The following KCTD13 variants were observed in gnomAD, a reference collection of about 807,000 sequenced individuals.
The protein encoded by KCTD13 is BTB/POZ domain-containing adapter for CUL3-mediated RhoA degradation protein 1.
A neutral mutation model predicts 32.3 loss-of-function variants in KCTD13; 15 were observed. That is an observed-to-expected ratio of 0.46 (90% CI 0.31 to 0.71). The LOEUF is 0.71. Ranked by LOEUF, KCTD13 falls within the 30% of genes least tolerant of loss-of-function variation. The pLI, the probability that KCTD13 is intolerant of heterozygous loss-of-function variation, is 0.05. For missense variants in KCTD13, 337 were observed against 452.6 expected, an observed-to-expected ratio of 0.74 and a Z score of 2.32; for synonymous variants, 189 against 200.1, an observed-to-expected ratio of 0.94 and a Z score of 0.47.
At chr16:29,914,199 G>C (rs1341966492) in intron 2 of KCTD13, 1 of 152,122 alleles carries the variant, frequency 6.6e-6, no homozygotes, top group African/African-American at 2.4e-5. Flanking sequence ...ACACAGGAAC[G>C]AGCACCAGGG....
At chr16:29,917,663 C>T (rs1163295958) in intron 2 of KCTD13, among the ~76,000 whole-genome samples, 1 of 152,076 alleles carries the variant, frequency 6.6e-6, no homozygotes, top group Non-Finnish European at 1.5e-5. Context: ...CCTGTAATCC[C>T]AGCTACTCAG....
intron 1 of KCTD13, among the ~76,000 whole-genome samples, chr16:29,925,161 G>T (rs1222578701): frequency 6.6e-6 from 1 of 152,140 alleles, no homozygotes; most frequent in Non-Finnish European, 1.5e-5. Flanking sequence ...GGCACGAAGG[G>T]TCCATACTTG....
At chr16:29,916,422 CA>C (rs1319081132) in intron 2 of KCTD13, among the ~76,000 whole-genome samples, 1 of 152,176 alleles carries the variant, frequency 6.6e-6, no homozygotes, top group Non-Finnish European at 1.5e-5. Context: ...CTTTTACTAA[CA>C]ATCTCCTCAA....
rs1275779123 is a variant in KCTD13, at chr16:29,923,218, A to C, written c.386T>G (p.Leu129Arg). The stretch of plus-strand genomic sequence containing the variant: ...CAGCGCCAGCTGGCAGTCCTCAATC[A>C]GGCCCTGCACCAGGTAGTAGCGTGC... ...GEARYYLVQG[L>R]IEDCQLALQQ... is the part of the protein sequence containing the mutation. The change falls in exon 2 of 6, where the codon CTG becomes CGG. Residue 129 changes from leucine to arginine, a missense_variant. Coordinates refer to ENST00000568000, the MANE Select transcript of KCTD13 (RefSeq NM_178863.5). 1 of 1,614,218 alleles carries C rather than the reference A, an allele frequency of 6.2e-7. No individual in the cohort carries two copies. The highest frequency in any genetic ancestry group is 1.7e-5 in the Admixed American group (1 of 60,030).
chr16:29,907,258 G>T, intron 5 of KCTD13, 150 bp from the exon 6 acceptor site: 1 of 593,890 alleles, frequency 1.7e-6, no homozygotes, highest in Non-Finnish European at 3.0e-6. Flanking sequence ...CCTTTACTCA[G>T]CAAAGTCATA....
At chr16:29,923,432 AT>A (rs375921576) in intron 1 of KCTD13, 73 bp from the exon 2 acceptor site, 1,436 of 1,264,612 alleles carry the variant, frequency 1.1e-3, no homozygotes, top group Non-Finnish European at 1.3e-3. Flanking sequence ...TTAAAAAAAA[AT>A]TTTTGTAGAG....
intron 2 of KCTD13, chr16:29,915,468 A>T (rs2068792880): frequency 6.6e-6 from 1 of 152,172 alleles, no homozygotes. Context: ...CCTGACCAAC[A>T]TGGTGAAACC....
At chr16:29,925,116 C>G (rs2150847577) in intron 1 of KCTD13, among the ~76,000 whole-genome samples, 1 of 152,266 alleles carries the variant, frequency 6.6e-6, no homozygotes, top group African/African-American at 2.4e-5. Context: ...AAGACTCTCC[C>G]ACTCCCAAAC....
intron 2 of KCTD13, chr16:29,921,691 A>G (rs2068915366): frequency 6.6e-6 from 1 of 152,182 alleles, no homozygotes; most frequent in Non-Finnish European, 1.5e-5. Flanking sequence ...ATTTAAAACT[A>G]CAGGCCGGTG....
chr16:29,920,228 G>A (rs1177282870), intron 2 of KCTD13: 1 of 152,150 alleles, frequency 6.6e-6, no homozygotes. Flanking sequence ...GAAAGCTGAG[G>A]CAGGAGAATC....
chr16:29,925,690 G>T, intron 1 of KCTD13, 100 bp downstream of exon 1: 1 of 1,175,550 alleles, frequency 8.5e-7, no homozygotes, highest in Non-Finnish European at 1.2e-6. Context: ...GGACAGTAGC[G>T]GGCAGAGAGA....
In KCTD13 at chr16:29,923,283, C is replaced by T. The variant is rs1267676994; in HGVS notation, c.321G>A (p.Leu107=). Residue 107 remains leucine (L), a synonymous_variant, in exon 2 of 6, where the codon CTG becomes CTA. Transcript: ENST00000568000. ...LNYLRDGSVP[L]PESTRELGEL... ...CCCCCAGTTCTCTCGTACTCTCCGG[C>T]AGTGGCACAGACCCATCCCGCAGGT... 1.9e-6 allele frequency: 3 copies of T among 1,614,192 alleles called. No homozygotes were observed. In the Admixed American group the frequency reaches 5.0e-5, roughly 27 times the overall value.
chr16:29,908,549 C>T (rs1474034495), intron 5 of KCTD13, among the ~76,000 whole-genome samples: 1 of 151,964 alleles, frequency 6.6e-6, no homozygotes, highest in Non-Finnish European at 1.5e-5. Flanking sequence ...TTATGCCCAG[C>T]TAATTTTTGG....
intron 5 of KCTD13, among the ~76,000 whole-genome samples, 188 bp downstream of exon 5, chr16:29,910,790 C>A (rs2068693290): frequency 6.6e-6 from 1 of 152,184 alleles, no homozygotes; most frequent in African/African-American, 2.4e-5. Flanking sequence ...TAACCCGTGA[C>A]CCCCATTTCA....
intron 1 of KCTD13, 31 bp downstream of exon 1, chr16:29,925,759 G>A (rs2068984391): frequency 6.4e-7 from 1 of 1,571,564 alleles, no homozygotes; most frequent in Non-Finnish European, 8.6e-7. Context: ...GGGGGTCTGG[G>A]GTGGGGGCAC....
chr16:29,906,634 G>C lies in KCTD13; in HGVS notation c.*238C>G. ...TGGAGAGGGAAGGACGCAGGGCCAG[G>C]GTGGGGACAAGTGTTGGCTTCGGAA... On this transcript the variant is annotated 3_prime_UTR_variant, in exon 6 of 6. Coordinates refer to ENST00000568000, the MANE Select transcript of KCTD13 (RefSeq NM_178863.5). 1.5e-6 allele frequency: 1 copy of C among 666,484 alleles called. No individual in the cohort carries two copies. Among genetic ancestry groups the C allele is most frequent in the South Asian group, 1.5e-5 (1 of 66,386 alleles). The allele number at this position is 666,484 out of a possible 1,614,324, so 41.3% of individuals were successfully genotyped here. A position where few individuals can be genotyped will look rare whatever the true frequency, so the allele number is the denominator to read the frequency against.
intron 2 of KCTD13, among the ~76,000 whole-genome samples, chr16:29,916,708 T>A (rs778729386): frequency 1.1e-4 from 17 of 152,148 alleles, no homozygotes; most frequent in Non-Finnish European, 2.2e-4. Context: ...TATTTAAAAA[T>A]AAATAAATAA....
At chr16:29,920,537 C>T (rs952010814) in intron 2 of KCTD13, 2 of 152,030 alleles carry the variant, frequency 1.3e-5, no homozygotes, top group African/African-American at 4.8e-5. Context: ...ATGCAAGGAT[C>T]TCCTGCTAAG....
intron 2 of KCTD13, chr16:29,920,720 T>C (rs1004356173): frequency 6.6e-6 from 1 of 152,210 alleles, no homozygotes; most frequent in Non-Finnish European, 1.5e-5. Context: ...TTGGCAAAAT[T>C]AGAAAGCTGG....
Sources: allele counts gnomAD v4.1 joint callset (sites outside exome capture counted in the v4.1 genomes callset), GRCh38; gene constraint gnomAD v4.1.1; transcripts MANE v1.5; gene names NCBI Gene and HGNC (gene_info 2026-07-23, HGNC 2026-07-21).